GLRA2: variants seen among roughly 807,000 people sequenced by gnomAD.
GLRA2 encodes glycine receptor alpha 2.
In GLRA2, 11 loss-of-function variants were observed where a neutral mutation model predicts 31.6. That is an observed-to-expected ratio of 0.35 (90% CI 0.22 to 0.58). The LOEUF (loss-of-function observed/expected upper bound fraction) is 0.58. Among genes scored for constraint, GLRA2 ranks in the 20% least tolerant of loss-of-function variants. GLRA2 has a pLI of 0.84. For missense variants in GLRA2, 212 were observed against 351.8 expected, an observed-to-expected ratio of 0.60 and a Z score of 3.18; for synonymous variants, 132 against 134.0, an observed-to-expected ratio of 0.99 and a Z score of 0.10.
At chrX:14,717,306 CTTCTT>C (rs992410824) in intron 8 of GLRA2, among the ~76,000 whole-genome samples, 3 of 105,117 alleles carry the variant, frequency 2.9e-5, no homozygotes, top group African/African-American at 1.1e-4. Context: ...CCATTTCACT[CTTCTT>C]TTATCCTTCT....
chrX:14,509,966 A>C, the GLRA2 span, among the ~76,000 whole-genome samples: 1 of 112,024 alleles, frequency 8.9e-6, no homozygotes, highest in Non-Finnish European at 1.9e-5. Context: ...CAAATAGCAA[A>C]GTGAGTTAAA....
rs1268366439 is a variant in GLRA2, at chrX:14,614,955, G to A, written c.930+5750G>A. ...ATGTCTGGTTTTCTGTAATAATACA[G>A]GGTGTTGGGTATAAGAGTCTCTAGA... On this transcript the variant is annotated intron_variant, in intron 7 of 8. Coordinates refer to ENST00000218075, the MANE Select transcript of GLRA2 (RefSeq NM_002063.4). Among the ~76,000 whole-genome samples the A allele has an allele frequency of 2.7e-5, 3 of 111,775 alleles. No homozygotes were observed. In the South Asian group the frequency reaches 1.1e-3, roughly 42 times the overall value.
At chrX:14,613,042 C>T (rs1016369497) in intron 7 of GLRA2, among the ~76,000 whole-genome samples, 5 of 111,310 alleles carry the variant, frequency 4.5e-5, no homozygotes, top group Admixed American at 1.9e-4. Context: ...AGAGCCTTTA[C>T]TTCACTCAAC....
the GLRA2 span, among the ~76,000 whole-genome samples, chrX:14,482,642 T>C: frequency 9.0e-6 from 1 of 111,210 alleles, no homozygotes; most frequent in Non-Finnish European, 1.9e-5. Context: ...ATTATATTCA[T>C]AAGTATAAAA....
At chrX:14,651,229 T>A (rs1362084590) in intron 7 of GLRA2, among the ~76,000 whole-genome samples, 3 of 111,722 alleles carry the variant, frequency 2.7e-5, no homozygotes, top group Non-Finnish European at 5.6e-5. Context: ...AGGGAAGAAT[T>A]TTTGAATACA....
intron 7 of GLRA2, among the ~76,000 whole-genome samples, chrX:14,637,861 T>G (rs2090727302): frequency 8.9e-6 from 1 of 111,986 alleles, no homozygotes; most frequent in African/African-American, 3.2e-5. Flanking sequence ...ATGTCCATTT[T>G]TATGTAGCTC....
Position 14,529,686 on chromosome X carries a change from C to A in GLRA2, c.-372C>A. ...TTTCTAGAAAAAGGGCTTTGCTAAACAGAAAAGATATAAAACAAAAGCCAC... is the reference window on the plus strand; with the variant it reads ...TTTCTAGAAAAAGGGCTTTGCTAAAAAGAAAAGATATAAAACAAAAGCCAC... On this transcript the variant is annotated 5_prime_UTR_variant, in exon 1 of 9. Transcript: ENST00000218075. The A allele has an allele frequency of 5.6e-6, 1 of 177,181 alleles. No homozygotes were observed. The highest frequency in any genetic ancestry group is 1.0e-5 in the Non-Finnish European group (1 of 96,290). The allele number at this position is 177,181 out of a possible 1,213,427, so 14.6% of individuals were successfully genotyped here.
the GLRA2 span, among the ~76,000 whole-genome samples, chrX:14,492,882 G>T: frequency 1.8e-5 from 2 of 111,647 alleles, no homozygotes; most frequent in Admixed American, 1.9e-4. Flanking sequence ...TCTGGTGTCT[G>T]CTAAGGGCTG....
Position 14,529,954 on chromosome X carries a change from A to G in GLRA2, c.-104A>G. 1 of 637,161 alleles carries G rather than the reference A, an allele frequency of 1.6e-6. No homozygotes were observed. The highest frequency in any genetic ancestry group is 2.7e-6 in the Non-Finnish European group (1 of 376,713). The allele number at this position is 637,161 out of a possible 1,213,427, so 52.5% of individuals were successfully genotyped here. ...TCTCTTTTTGATTTTCAAGGAAACT[A>G]GGTTCCTGCCAAATTTTGAATCTGG... On this transcript the variant is annotated 5_prime_UTR_variant, in exon 1 of 9. Transcript: ENST00000218075.
chrX:14,662,005 A>G (rs2090996144), intron 7 of GLRA2, among the ~76,000 whole-genome samples: 1 of 110,575 alleles, frequency 9.0e-6, no homozygotes, highest in Non-Finnish European at 1.9e-5. Context: ...TATTCAAAGT[A>G]GCAACTCTGC....
chrX:14,637,979 C>A (rs1028875967), intron 7 of GLRA2, among the ~76,000 whole-genome samples: 3 of 111,418 alleles, frequency 2.7e-5, no homozygotes, highest in Admixed American at 1.9e-4. Context: ...ACTAGTATTA[C>A]ATTTTAGAAA....
At chrX:14,463,555 G>T in the GLRA2 span, among the ~76,000 whole-genome samples, 3 of 111,003 alleles carry the variant, frequency 2.7e-5, no homozygotes, top group South Asian at 7.9e-4. Context: ...GCATAGAACC[G>T]CCTACTCAAG....
chrX:14,556,865 T>A, intron 2 of GLRA2, among the ~76,000 whole-genome samples: 1 of 110,956 alleles, frequency 9.0e-6, no homozygotes, highest in Non-Finnish European at 1.9e-5. Context: ...GATTTTCTTT[T>A]ATTTAGCACC....
intron 4 of GLRA2, among the ~76,000 whole-genome samples, chrX:14,596,116 T>C (rs1327090288): frequency 1.8e-5 from 2 of 111,180 alleles, no homozygotes; most frequent in Admixed American, 9.5e-5. Context: ...CTAAAATTTT[T>C]GTTGTGGTTC....
At chrX:14,612,712 A>T (rs1006101683) in intron 7 of GLRA2, among the ~76,000 whole-genome samples, 3 of 109,983 alleles carry the variant, frequency 2.7e-5, no homozygotes, top group Non-Finnish European at 5.7e-5. Flanking sequence ...TTCTCAGCAA[A>T]CTAACACAAG....
chrX:14,499,109 T>C, the GLRA2 span, among the ~76,000 whole-genome samples: 1 of 112,147 alleles, frequency 8.9e-6, no homozygotes, highest in African/African-American at 3.2e-5. Context: ...TTGATTTCCT[T>C]TCTTTTTGGG....
At chrX:14,600,999 T>G (rs1389630966) in intron 4 of GLRA2, among the ~76,000 whole-genome samples, 1 of 61,641 alleles carries the variant, frequency 1.6e-5, no homozygotes, top group Admixed American at 1.6e-4. Context: ...AGCTTTGTTG[T>G]TGTTTTTTTT....
chrX:14,648,134 C>T (rs948764721), intron 7 of GLRA2, among the ~76,000 whole-genome samples: 3 of 111,920 alleles, frequency 2.7e-5, no homozygotes, highest in African/African-American at 9.7e-5. Context: ...TAATTGTATT[C>T]CTTTGTTTAT....
chrX:14,465,425 A>G, the GLRA2 span, among the ~76,000 whole-genome samples: 277 of 112,016 alleles, frequency 2.5e-3, no homozygotes, highest in African/African-American at 8.6e-3. Flanking sequence ...CTTCTTTCCC[A>G]ATTTGGATGC....
Sources: gnomAD v4.1 joint callset for allele counts (sites outside exome capture counted in the v4.1 genomes callset) on GRCh38, gnomAD v4.1.1 for gene constraint, MANE v1.5 for transcripts, NCBI Gene and HGNC (gene_info 2026-07-23, HGNC 2026-07-21) for gene names.